ARID3B: variants seen among roughly 807,000 people sequenced by gnomAD.
ARID3B encodes AT-rich interaction domain 3B.
A neutral mutation model predicts 51.9 loss-of-function variants in ARID3B; 10 were observed. The ratio of observed to expected loss-of-function variants is 0.19; its 90% confidence interval spans 0.12 to 0.33. ARID3B has a LOEUF of 0.33. Among genes scored for constraint, ARID3B ranks in the 10% least tolerant of loss-of-function variants. ARID3B has a pLI of 1.00. For missense variants in ARID3B, 483 were observed against 716.3 expected (o/e 0.67, Z 3.72); for synonymous variants, 205 against 279.5 (o/e 0.73, Z 2.66).
chr15:74,588,099 TG>T (rs1482738806), intron 4 of ARID3B, among the ~76,000 whole-genome samples: 1 of 152,028 alleles, frequency 6.6e-6, no homozygotes, highest in Non-Finnish European at 1.5e-5. Context: ...TTAAATTCCC[TG>T]AGTGTGGTGG....
chr15:74,590,479 A>T (rs969013193), intron 5 of ARID3B, among the ~76,000 whole-genome samples: 6 of 152,204 alleles, frequency 3.9e-5, no homozygotes, highest in Admixed American at 3.9e-4. Context: ...ACCCAGAGAA[A>T]GGCAGGCAGG....
chr15:74,565,426 A>C (rs944762039), intron 2 of ARID3B, among the ~76,000 whole-genome samples: 4 of 152,206 alleles, frequency 2.6e-5, no homozygotes, highest in Admixed American at 6.5e-5. Flanking sequence ...AGGACAGGGC[A>C]GTTTCTGAGA....
In ARID3B at chr15:74,556,013, C is replaced by T. The variant is rs541251790; in HGVS notation, c.552+11525C>T. On this transcript the variant is annotated intron_variant, in intron 2 of 8. Transcript: ENST00000346246. ...TTCACCGTGTTAGCCGGGATGGTCTCGATCTCCTGACCTTGTGATCCGCCC... is the reference window on the plus strand; with the variant it reads ...TTCACCGTGTTAGCCGGGATGGTCTTGATCTCCTGACCTTGTGATCCGCCC... Among the ~76,000 whole-genome samples the T allele has an allele frequency of 1.5e-4, 22 of 151,524 alleles. No individual in the cohort carries two copies. In the South Asian group the frequency reaches 3.3e-3, roughly 23 times the overall value.
In ARID3B at chr15:74,596,869, T is replaced by C. The variant is rs1163117551; in HGVS notation, c.*1095T>C. 4.3e-6 allele frequency: 1 copy of C among 233,232 alleles called. No homozygotes were observed. The highest frequency in any genetic ancestry group is 8.5e-6 in the Non-Finnish European group (1 of 117,908). The allele number at this position is 233,232 out of a possible 1,614,324, so 14.4% of individuals were successfully genotyped here. ...CAGATCACCCCCAAAGCCAAGCAAG[T>C]GATTGGGTAACCCGGCCCCTCTGGC... On this transcript the variant is annotated 3_prime_UTR_variant, in exon 9 of 9. Transcript: ENST00000346246.
intron 2 of ARID3B, among the ~76,000 whole-genome samples, chr15:74,545,391 C>T (rs139262258): frequency 6.6e-6 from 1 of 152,306 alleles, no homozygotes; most frequent in African/African-American, 2.4e-5. Flanking sequence ...AAGTGACTTC[C>T]AAATGGCTGA....
chr15:74,586,830 A>T (rs2061783574), intron 4 of ARID3B, among the ~76,000 whole-genome samples: 1 of 152,270 alleles, frequency 6.6e-6, no homozygotes, highest in South Asian at 2.1e-4. Context: ...TGAAACAATT[A>T]GAGAAGGACA....
rs1567128585 is a variant in ARID3B, at chr15:74,595,681, C to T, written c.1590C>T (p.Ser530=). The change falls in exon 9 of 9, where the codon AGC becomes AGT. Residue 530 remains serine (S), a synonymous_variant. Coordinates refer to ENST00000346246, the MANE Select transcript of ARID3B (RefSeq NM_006465.4). Reference sequence around the variant, plus strand: ...CTGCTCCCCAGAGCCTCGGCAGCAGCGCCAGCAGCAGCAGCAGCTCTCACT... The same window carrying T: ...CTGCTCCCCAGAGCCTCGGCAGCAGTGCCAGCAGCAGCAGCAGCTCTCACT... ...TGSAPQSLGS[S]ASSSSSSHCS... is the part of the protein sequence containing the mutation. 8.1e-6 allele frequency: 13 copies of T among 1,613,480 alleles called. No homozygotes were observed. Among genetic ancestry groups the T allele is most frequent in the East Asian group, 4.5e-5 (2 of 44,870 alleles).
At position 74,594,061 on chromosome 15, in the gene ARID3B, C is replaced by A. The variant is rs1014211409; in HGVS notation, c.1519+825C>A. On this transcript the variant is annotated intron_variant, in intron 8 of 8. Coordinates refer to ENST00000346246, the MANE Select transcript of ARID3B (RefSeq NM_006465.4). ...TTGTCTCAATTAAAAAAAAAAAAAA[C>A]AAAACTTAATATTCATAAAAACAGC... Among the ~76,000 whole-genome samples, 245 of 149,538 alleles carry A rather than the reference C, an allele frequency of 1.6e-3. No individual in the cohort carries two copies. The South Asian group carries it at 0.017, about 10-fold the overall frequency.
chr15:74,577,702 T>TG (rs992876641), intron 4 of ARID3B, among the ~76,000 whole-genome samples: 2 of 151,442 alleles, frequency 1.3e-5, no homozygotes, highest in Non-Finnish European at 2.9e-5. Flanking sequence ...TTCTGTTTTT[T>TG]TGTGTGTGTG....
At chr15:74,558,998 G>A (rs548528227) in intron 2 of ARID3B, among the ~76,000 whole-genome samples, 11 of 152,168 alleles carry the variant, frequency 7.2e-5, no homozygotes, top group Non-Finnish European at 1.2e-4. Context: ...CAGCTTCGCC[G>A]GGCTGGTGGG....
At chr15:74,570,005 C>G (rs2061713368) in intron 2 of ARID3B, among the ~76,000 whole-genome samples, 2 of 152,208 alleles carry the variant, frequency 1.3e-5, no homozygotes, top group Admixed American at 1.3e-4. Context: ...CAGTTCCTAT[C>G]TGTGGAATGG....
chr15:74,580,234 C>T (rs1481337743), intron 4 of ARID3B, among the ~76,000 whole-genome samples: 1 of 152,100 alleles, frequency 6.6e-6, no homozygotes, highest in Non-Finnish European at 1.5e-5. Flanking sequence ...AAAGCCAAAA[C>T]AGTTGTAAAT....
intron 4 of ARID3B, among the ~76,000 whole-genome samples, chr15:74,577,437 G>A (rs536116594): frequency 3.9e-5 from 6 of 152,188 alleles, no homozygotes; most frequent in East Asian, 1.9e-4. Context: ...CCTGGGTGAC[G>A]AGCGAAACTC....
intron 2 of ARID3B, among the ~76,000 whole-genome samples, chr15:74,550,936 C>T (rs1056190096): frequency 6.6e-6 from 1 of 152,124 alleles, no homozygotes; most frequent in African/African-American, 2.4e-5. Flanking sequence ...TCATCAACAC[C>T]TAAGTCCTTT....
At chr15:74,552,855 T>C (rs1415628510) in intron 2 of ARID3B, among the ~76,000 whole-genome samples, 1 of 152,246 alleles carries the variant, frequency 6.6e-6, no homozygotes, top group Non-Finnish European at 1.5e-5. Context: ...TCTTGGTTGC[T>C]TCAAAGTTTT....
rs981437836 is a variant in ARID3B at position 74,551,645 on chromosome 15, A to G, written c.552+7157A>G. 1.4e-4 allele frequency among the ~76,000 whole-genome samples: 21 copies of G among 152,326 alleles called. 1 individual carries two copies. In the South Asian group the frequency reaches 1.9e-3, roughly 14 times the overall value. ...CTCTCTGTCAGACTTAAAAACAAGC[A>G]AACAACAACAAAAACCTTTAATCTT... On this transcript the variant is annotated intron_variant, in intron 2 of 8. Coordinates refer to ENST00000346246, the MANE Select transcript of ARID3B (RefSeq NM_006465.4).
At chr15:74,581,041 G>A (rs1168574954) in intron 4 of ARID3B, among the ~76,000 whole-genome samples, 1 of 152,166 alleles carries the variant, frequency 6.6e-6, no homozygotes, top group Non-Finnish European at 1.5e-5. Flanking sequence ...GGAGACACAG[G>A]AGGCACCCAG....
chr15:74,595,813 G>C lies in ARID3B; in HGVS notation c.*39G>C, dbSNP rs1291398024. 1.1e-5 allele frequency: 18 copies of C among 1,571,564 alleles called. No homozygotes were observed. The highest frequency in any genetic ancestry group is 1.6e-5 in the Non-Finnish European group (18 of 1,158,652). ...GCTTCCCACTTGCCACTCTCCTGTC[G>C]AGAGTGAAGGAAGTTGATGCACAGA... On this transcript the variant is annotated 3_prime_UTR_variant, in exon 9 of 9. Transcript: ENST00000346246.
intron 2 of ARID3B, among the ~76,000 whole-genome samples, chr15:74,561,931 C>T (rs2061680761): frequency 6.6e-6 from 1 of 150,674 alleles, no homozygotes; most frequent in Non-Finnish European, 1.5e-5. Flanking sequence ...ATAAAATAGG[C>T]TTTGTATTAA....
Sources: gnomAD v4.1 joint callset for allele counts (sites outside exome capture counted in the v4.1 genomes callset) on GRCh38, gnomAD v4.1.1 for gene constraint, MANE v1.5 for transcripts, NCBI Gene and HGNC (gene_info 2026-07-23, HGNC 2026-07-21) for gene names.